The following HS6ST2 variants were observed in gnomAD, a reference collection of about 807,000 sequenced individuals.
The protein encoded by HS6ST2 is heparan sulfate 6-O-sulfotransferase 2.
HS6ST2 carries 17 observed loss-of-function variants against 33.0 expected under a neutral mutation model. The observed-to-expected ratio is 0.52, with a 90% CI of 0.35 to 0.77. HS6ST2 has a LOEUF of 0.77. Among genes scored for constraint, HS6ST2 ranks in the 30% least tolerant of loss-of-function variants. The pLI is 0.01. For missense variants in HS6ST2, 519 were observed against 551.7 expected (o/e 0.94, Z 0.59); for synonymous variants, 248 against 237.1 (o/e 1.05, Z -0.42).
chrX:132,838,793 C>T (rs1367712436), intron 2 of HS6ST2, among the ~76,000 whole-genome samples: 4 of 108,205 alleles, frequency 3.7e-5, no homozygotes, highest in Non-Finnish European at 7.6e-5. Context: ...AAAAAAACAC[C>T]CCAATTAAAA....
At chrX:132,735,734 A>C (rs2064501630) in intron 2 of HS6ST2, among the ~76,000 whole-genome samples, 1 of 111,958 alleles carries the variant, frequency 8.9e-6, no homozygotes, top group Admixed American at 9.4e-5. Flanking sequence ...GGAGCTGGAG[A>C]CCCAGGGCCT....
At chrX:132,776,346 T>C (rs1367396210) in intron 2 of HS6ST2, among the ~76,000 whole-genome samples, 2 of 111,932 alleles carry the variant, frequency 1.8e-5, no homozygotes, top group Non-Finnish European at 3.8e-5. Flanking sequence ...ACAAGACAAT[T>C]ACTTTCAAAG....
At chrX:132,925,300 C>A (rs1026633695) in intron 2 of HS6ST2, among the ~76,000 whole-genome samples, 4 of 111,339 alleles carry the variant, frequency 3.6e-5, no homozygotes, top group Admixed American at 2.9e-4. Flanking sequence ...TTATTGTATC[C>A]TTTCTTAAAT....
At chrX:132,860,238 T>C (rs2065898423) in intron 2 of HS6ST2, among the ~76,000 whole-genome samples, 1 of 112,014 alleles carries the variant, frequency 8.9e-6, no homozygotes. Context: ...GAGTGGCATA[T>C]TGTCAGTCTG....
Position 132,958,354 on chromosome X carries a change from G to A in HS6ST2, c.249C>T (p.Cys83=), listed in dbSNP as rs1387706658. The change falls in exon 1 of 5, where the codon TGC becomes TGT. Residue 83 remains cysteine, a synonymous_variant. Transcript: ENST00000370833. ...KASSSLAGAA[C]APLFALLSRG... ...GGGACAGCAGCGCGAAAAGCGGGGC[G>A]CACGCGGCTCCCGCCAGGGAAGAAG... The A allele has an allele frequency of 1.7e-6, 2 of 1,198,728 alleles. No homozygotes were observed. Among genetic ancestry groups the A allele is most frequent in the Middle Eastern group, 4.6e-4 (2 of 4,340 alleles).
At chrX:132,744,673 G>A (rs1036089912) in intron 2 of HS6ST2, among the ~76,000 whole-genome samples, 1 of 111,351 alleles carries the variant, frequency 9.0e-6, no homozygotes, top group African/African-American at 3.3e-5. Flanking sequence ...CTGTTTGGCT[G>A]CACAGAATAC....
chrX:132,872,972 T>G (rs2066077301), intron 2 of HS6ST2, among the ~76,000 whole-genome samples: 1 of 111,429 alleles, frequency 9.0e-6, no homozygotes, highest in Non-Finnish European at 1.9e-5. Flanking sequence ...CATGGCTAAA[T>G]CACTTGAATG....
At chrX:132,890,151 A>G (rs1259427138) in intron 2 of HS6ST2, among the ~76,000 whole-genome samples, 1 of 111,076 alleles carries the variant, frequency 9.0e-6, no homozygotes, top group East Asian at 2.9e-4. Flanking sequence ...TGTGCTTGAC[A>G]TAGATCATTT....
chrX:132,655,964 CA>C (rs2148187523), intron 4 of HS6ST2, among the ~76,000 whole-genome samples: 1 of 111,420 alleles, frequency 9.0e-6, no homozygotes, highest in East Asian at 2.8e-4. Flanking sequence ...TTTCCCCAAG[CA>C]AATGGTCTTT....
intron 4 of HS6ST2, among the ~76,000 whole-genome samples, chrX:132,648,795 TG>T (rs1334963058): frequency 5.4e-5 from 6 of 111,644 alleles, no homozygotes; most frequent in Non-Finnish European, 1.1e-4. Flanking sequence ...GTCTGATTCT[TG>T]GTTGGGTCAA....
In HS6ST2 at chrX:132,627,075, A is replaced by T. The variant is rs1319028536; in HGVS notation, c.*1148T>A. 2 of 112,504 alleles carry T rather than the reference A, an allele frequency of 1.8e-5. No individual in the cohort carries two copies. 9.3% of individuals were successfully genotyped at this position (112,504 alleles called of 1,213,427 possible). A position where few individuals can be genotyped will look rare whatever the true frequency, so the allele number is the denominator to read the frequency against. ...ATTGTCTACAAATCTGTCAACATGA[A>T]AAAGAACTAAAGGGCTAGAAATAGT... On this transcript the variant is annotated 3_prime_UTR_variant, in exon 5 of 5. Transcript: ENST00000370833.
intron 2 of HS6ST2, among the ~76,000 whole-genome samples, chrX:132,941,134 C>G (rs2148494699): frequency 8.9e-6 from 1 of 111,873 alleles, no homozygotes; most frequent in East Asian, 2.8e-4. Context: ...CAGAAGAGTT[C>G]GTCAATGCAA....
intron 4 of HS6ST2, among the ~76,000 whole-genome samples, chrX:132,649,487 A>G (rs1195976155): frequency 2.7e-5 from 3 of 112,292 alleles, no homozygotes; most frequent in Non-Finnish European, 5.6e-5. Context: ...AATGGTATCA[A>G]TAACAAATAA....
intron 2 of HS6ST2, among the ~76,000 whole-genome samples, chrX:132,863,301 G>GT (rs1758076640): frequency 9.0e-6 from 1 of 110,812 alleles, no homozygotes; most frequent in Admixed American, 9.7e-5. Context: ...ACATTTGCCT[G>GT]TTTTTTCCAC....
intron 2 of HS6ST2, among the ~76,000 whole-genome samples, chrX:132,842,765 G>C (rs776551317): frequency 2.7e-4 from 30 of 112,090 alleles, no homozygotes; most frequent in Non-Finnish European, 3.8e-5. Context: ...TGCCATGCCT[G>C]GGATGTTTAA....
intron 4 of HS6ST2, among the ~76,000 whole-genome samples, chrX:132,657,005 C>A (rs1012464249): frequency 9.0e-6 from 1 of 111,280 alleles, no homozygotes; most frequent in East Asian, 2.8e-4. Context: ...TACCTCTTTT[C>A]GTCCTTTTTC....
intron 2 of HS6ST2, among the ~76,000 whole-genome samples, chrX:132,720,341 T>C (rs922651527): frequency 9.0e-6 from 1 of 111,084 alleles, no homozygotes; most frequent in Non-Finnish European, 1.9e-5. Flanking sequence ...GTAAATCGAA[T>C]CCTAGTTTCC....
At chrX:132,646,401 G>T (rs1358735834) in intron 4 of HS6ST2, among the ~76,000 whole-genome samples, 1 of 110,683 alleles carries the variant, frequency 9.0e-6, no homozygotes, top group Admixed American at 9.6e-5. Context: ...AGGTGTGGTG[G>T]CATGTGCCTG....
At chrX:132,802,465 G>C (rs1242052103) in intron 2 of HS6ST2, among the ~76,000 whole-genome samples, 1 of 111,653 alleles carries the variant, frequency 9.0e-6, no homozygotes, top group Non-Finnish European at 1.9e-5. Flanking sequence ...CAGTTTCGCA[G>C]ATGAAGGGGA....
Sources: allele counts gnomAD v4.1 joint callset (sites outside exome capture counted in the v4.1 genomes callset), GRCh38; gene constraint gnomAD v4.1.1; transcripts MANE v1.5; gene names NCBI Gene and HGNC (gene_info 2026-07-23, HGNC 2026-07-21).